Variants in KCNQ2 observed in about 807,000 individuals in gnomAD.
KCNQ2 encodes the protein potassium voltage-gated channel subfamily KQT member 2.
In KCNQ2, 14 loss-of-function variants were observed where a neutral mutation model predicts 84.8. The observed-to-expected ratio is 0.17, with a 90% CI of 0.11 to 0.26. The LOEUF (loss-of-function observed/expected upper bound fraction) is 0.26, where lower values mean the gene tolerates loss of function less well. KCNQ2 is among the 10% of genes least tolerant of loss of function. KCNQ2 has a pLI of 1.00. For synonymous variants in KCNQ2, 599 were observed against 554.1 expected, an observed-to-expected ratio of 1.08 and a Z score of -1.14; for missense variants, 788 against 1,254.0, an observed-to-expected ratio of 0.63 and a Z score of 5.61.
intron 11 of KCNQ2, among the ~76,000 whole-genome samples, chr20:63,421,845 C>T (rs374531276): frequency 6.6e-6 from 1 of 152,096 alleles, no homozygotes; most frequent in African/African-American, 2.4e-5. Context: ...TGGGGCAGCA[C>T]GGCCCGAGCC....
rs147719288 is a variant in KCNQ2 at position 63,468,192 on chromosome 20, C to T, written c.296+3976G>A. ...GGTTTCCCCAGAAACCACAACTCTC[C>T]GAGGCTTCTTCACCTTTTGGGAAAT... is the stretch of plus-strand genomic sequence containing the variant. On this transcript the variant is annotated intron_variant, in intron 1 of 16. Coordinates refer to ENST00000359125, the MANE Select transcript of KCNQ2 (RefSeq NM_172107.4). 1.0e-2 allele frequency among the ~76,000 whole-genome samples: 1,523 copies of T among 152,312 alleles called. 92 individuals are homozygous for T. In the South Asian group the frequency reaches 0.18, roughly 18 times the overall value.
chr20:63,472,428 G>C lies in KCNQ2; in HGVS notation c.36C>G (p.Pro12=), dbSNP rs760921944. Residue 12 remains proline (P), a synonymous_variant, in exon 1 of 17, where the codon CCC becomes CCG. Coordinates refer to ENST00000359125, the MANE Select transcript of KCNQ2 (RefSeq NM_172107.4). ...TCAGCTTCTTCTCCCCGCTCGGGCC[G>C]GGGTATACGCCGCCGTTGCGCGACT... ...VQKSRNGGVY[P]GPSGEKKLKV... is the part of the protein sequence containing the mutation. The C allele has an allele frequency of 8.5e-6, 13 of 1,536,610 alleles. 1 individual carries two copies. The highest frequency in any genetic ancestry group is 7.5e-5 in the Admixed American group (4 of 52,998).
intron 1 of KCNQ2, among the ~76,000 whole-genome samples, chr20:63,453,179 A>G (rs6010940): frequency 0.015 from 2,252 of 152,178 alleles, 63 homozygotes; most frequent in African/African-American, 0.051. Context: ...CCCAGGAGAC[A>G]CCAGTCCTCC....
chr20:63,401,176 C>T lies in KCNQ2; in HGVS notation c.*5468G>A, dbSNP rs184562217. ...CCAGAGCACACTCAACTCCACCCCA[C>T]AAACGCCTTTTAAAACTCTGAAGAG... On this transcript the variant is annotated 3_prime_UTR_variant, in exon 17 of 17. Coordinates refer to ENST00000359125, the MANE Select transcript of KCNQ2 (RefSeq NM_172107.4). The T allele has an allele frequency of 9.7e-5, 30 of 308,702 alleles. No homozygotes were observed. Among genetic ancestry groups the T allele is most frequent in the African/African-American group, 6.2e-4 (29 of 46,562 alleles). 19.1% of individuals were successfully genotyped at this position (308,702 alleles called of 1,614,324 possible).
chr20:63,462,800 C>T (rs1190302267), intron 1 of KCNQ2, among the ~76,000 whole-genome samples: 2 of 152,252 alleles, frequency 1.3e-5, no homozygotes, highest in East Asian at 1.9e-4. Flanking sequence ...GAGCGCCCGA[C>T]GGAGCCTAGA....
intron 1 of KCNQ2, among the ~76,000 whole-genome samples, chr20:63,464,738 G>C (rs1216071821): frequency 1.3e-5 from 2 of 152,238 alleles, no homozygotes; most frequent in African/African-American, 2.4e-5. Flanking sequence ...TGTGGGGGCA[G>C]GGGCCCTGCT....
At chr20:63,409,408 C>T (rs1011348567) in intron 15 of KCNQ2, among the ~76,000 whole-genome samples, 3 of 152,224 alleles carry the variant, frequency 2.0e-5, no homozygotes, top group Non-Finnish European at 4.4e-5. Flanking sequence ...GAGGGAGGCT[C>T]CTTTGCCCTC....
intron 5 of KCNQ2, among the ~76,000 whole-genome samples, chr20:63,441,300 G>C (rs1027364786): frequency 6.6e-6 from 1 of 150,822 alleles, no homozygotes; most frequent in African/African-American, 2.4e-5. Flanking sequence ...CAGTCAGCGC[G>C]TTTGAATCAG....
intron 4 of KCNQ2, among the ~76,000 whole-genome samples, chr20:63,443,099 T>TCAC (rs139636562): frequency 0.82 from 48,554 of 58,930 alleles, 19,914 homozygotes; most frequent in East Asian, 0.94. Context: ...ATCACCACCA[T>TCAC]CACCATCACC....
chr20:63,436,292 GAGGCCA>G lies in KCNQ2; in HGVS notation c.1023+2327_1023+2332del, dbSNP rs537645237. ...CACGCCTGTAATCCCAGCACTTTGG[GAGGCCA>G]AGGCGGGAGGATCACGAAGTCAGGA... On this transcript the variant is annotated intron_variant, in intron 7 of 16. Coordinates refer to ENST00000359125, the MANE Select transcript of KCNQ2 (RefSeq NM_172107.4). Among the ~76,000 whole-genome samples the G allele has an allele frequency of 1.7e-3, 264 of 152,322 alleles. 3 individuals carry two copies. Among genetic ancestry groups the G allele is most frequent in the African/African-American group, 6.2e-3 (257 of 41,568 alleles).
rs1064797286 is a variant in KCNQ2, at chr20:63,472,315, C to T, written c.149G>A (p.Arg50His). Reference protein sequence around the residue: ...LLIAGSEAPKRGSILSKPRAG... With the variant: ...LLIAGSEAPKHGSILSKPRAG... ...GCGAGGTTTGCTGAGGATGCTGCCG[C>T]GCTTGGGGGCCTCGGAGCCGGCGAT... Residue 50 changes from arginine to histidine, a missense_variant, in exon 1 of 17, where the codon CGC (arginine) becomes CAC (histidine). By Grantham distance (29) the Arg-to-His change is conservative. Coordinates refer to ENST00000359125, the MANE Select transcript of KCNQ2 (RefSeq NM_172107.4). 4.5e-6 allele frequency: 7 copies of T among 1,538,490 alleles called. No homozygotes were observed. Among genetic ancestry groups the T allele is most frequent in the Non-Finnish European group, 6.1e-6 (7 of 1,142,632 alleles).
chr20:63,434,113 C>A (rs936543973), intron 7 of KCNQ2: 36 of 563,774 alleles, frequency 6.4e-5, no homozygotes, highest in Non-Finnish European at 1.0e-4. Flanking sequence ...GCCCGCTTGT[C>A]AGACGGTGGG....
chr20:63,407,328 C>G lies in KCNQ2; in HGVS notation c.1935G>C (p.Met645Ile), dbSNP rs1336098300. The G allele has an allele frequency of 6.3e-7, 1 of 1,597,446 alleles. No individual in the cohort carries two copies. Among genetic ancestry groups the G allele is most frequent in the South Asian group, 1.1e-5 (1 of 91,010 alleles). The change falls in exon 17 of 17, where the codon ATG becomes ATC. Residue 645 changes from methionine (M) to isoleucine (I), a missense_variant. This residue lies in a region of KCNQ2 where 378 missense variants were observed against 434.5 expected (regional missense o/e 0.87). Transcript: ENST00000359125. This position sits in a 1 kb window ranked among gnomAD's most constrained non-coding sequence, Gnocchi z 7.2. ...KKLDFLVNIY[M>I]QRMGIPPTET... ...CTGTCGGGGGGATGCCCATCCGCTG[C>G]ATGTAGATATTCACCAGGAAGTCCA...
intron 12 of KCNQ2, among the ~76,000 whole-genome samples, chr20:63,417,668 A>G (rs1322713810): frequency 6.6e-6 from 1 of 152,244 alleles, no homozygotes; most frequent in African/African-American, 2.4e-5. Context: ...CGTGCGGGCC[A>G]GGAAGGGTCA....
chr20:63,472,121 T>C lies in KCNQ2; in HGVS notation c.296+47A>G. On this transcript the variant is annotated intron_variant, in intron 1 of 16. Coordinates refer to ENST00000359125, the MANE Select transcript of KCNQ2 (RefSeq NM_172107.4). The stretch of plus-strand genomic sequence containing the variant: ...CCGGGGTCGCCGATGGGGTCGCCGA[T>C]GGGGGTCGCCATGGGGGTCGCCACG... 2.9e-6 allele frequency: 4 copies of C among 1,364,252 alleles called. No individual in the cohort carries two copies. The South Asian group carries it at 6.0e-5, about 20-fold the overall frequency. The allele number at this position is 1,364,252 out of a possible 1,614,324, so 84.5% of individuals were successfully genotyped here.
At chr20:63,423,912 C>A (rs964215498) in intron 11 of KCNQ2, 4 of 461,350 alleles carry the variant, frequency 8.7e-6, no homozygotes, top group East Asian at 4.0e-5. Context: ...GGTGGGGGAT[C>A]CCCCACCCCC....
chr20:63,444,044 C>A (rs767196395), intron 4 of KCNQ2, among the ~76,000 whole-genome samples: 1 of 152,244 alleles, frequency 6.6e-6, no homozygotes, highest in Non-Finnish European at 1.5e-5. Context: ...CGGGGGCTGA[C>A]CCCTGCCCAT....
At position 63,414,186 on chromosome 20, in the gene KCNQ2, G is replaced by A; in HGVS notation, c.1533C>T (p.Ser511=). Residue 511 remains serine (S), a synonymous_variant, in exon 14 of 17, where the codon AGC becomes AGT. Transcript: ENST00000359125. This position sits in a 1 kb window ranked among gnomAD's most constrained non-coding sequence, Gnocchi z 6.6. Reference sequence around the variant, plus strand: ...CATCCACAATGTCCTCTCCGGGGAGGCTTGCTTCTGGGGGGAAGGAGACAG... The same window carrying A: ...CATCCACAATGTCCTCTCCGGGGAGACTTGCTTCTGGGGGGAAGGAGACAG... ...AASRQNSEEA[S]LPGEDIVDDK... is the part of the protein sequence containing the mutation. The A allele has an allele frequency of 6.2e-7, 1 of 1,613,054 alleles. No individual in the cohort carries two copies. The highest frequency in any genetic ancestry group is 8.5e-7 in the Non-Finnish European group (1 of 1,179,516).
chr20:63,450,284 C>A lies in KCNQ2; in HGVS notation c.297-3447G>T, dbSNP rs568285817. Among the ~76,000 whole-genome samples the A allele has an allele frequency of 3.3e-5, 5 of 151,388 alleles. No homozygotes were observed. In the East Asian group the frequency reaches 9.9e-4, roughly 30 times the overall value. On this transcript the variant is annotated intron_variant, in intron 1 of 16. Coordinates refer to ENST00000359125, the MANE Select transcript of KCNQ2 (RefSeq NM_172107.4). ...CTTCCAGAGGTCACGGCCCAGCACA[C>A]GTGCCGGACGAGGGCGGCCGCAGAG... is the stretch of plus-strand genomic sequence containing the variant.
Sources: gnomAD v4.1 joint callset for allele counts (sites outside exome capture counted in the v4.1 genomes callset) on GRCh38, gnomAD v4.1.1 for gene constraint, gnomAD v4.1.1 regional missense constraint, Gnocchi (gnomAD v3.1) non-coding constraint, MANE v1.5 for transcripts, NCBI Gene and HGNC (gene_info 2026-07-23, HGNC 2026-07-21) for gene names.